SAMD4A: variants seen among roughly 807,000 people sequenced by gnomAD.
The protein encoded by SAMD4A is protein Smaug homolog 1.
Under a neutral mutation model 81.3 loss-of-function variants are expected in SAMD4A, and 33 were observed. The ratio of observed to expected loss-of-function variants is 0.41; its 90% CI spans 0.31 to 0.54. The LOEUF is 0.54. Ranked by LOEUF, SAMD4A falls within the 20% of genes least tolerant of loss-of-function variation. SAMD4A has a pLI of 0.37. For missense variants in SAMD4A, 854 were observed against 951.1 expected, an observed-to-expected ratio of 0.90 and a Z score of 1.34; for synonymous variants, 389 against 382.1, an observed-to-expected ratio of 1.02 and a Z score of -0.21.
At chr14:54,612,274 G>A (rs1039202020) in intron 2 of SAMD4A, among the ~76,000 whole-genome samples, 5 of 152,058 alleles carry the variant, frequency 3.3e-5, no homozygotes, top group African/African-American at 1.2e-4. Context: ...CTTTCCTTCA[G>A]TCTGTCCCTT....
intron 2 of SAMD4A, chr14:54,694,730 G>C (rs1289307954): frequency 1.0e-6 from 1 of 985,420 alleles, no homozygotes; most frequent in African/African-American, 1.7e-5. Context: ...TGGCCAGGAG[G>C]TCAGAAATCT....
chr14:54,756,545 A>G (rs1271459946), intron 6 of SAMD4A, among the ~76,000 whole-genome samples: 1 of 152,194 alleles, frequency 6.6e-6, no homozygotes, highest in Non-Finnish European at 1.5e-5. Context: ...ATTTGTTTTC[A>G]TATCCCCAGT....
In SAMD4A at chr14:54,567,974, T is replaced by G; in HGVS notation, c.58T>G (p.Cys20Gly). ...LAGWFKGWNE[C>G]EQTVALLSLL... ...GGGCTGGTTTAAGGGCTGGAACGAG[T>G]GCGAGCAGACTGTTGCGCTGCTGTC... Residue 20 changes from cysteine to glycine, a missense_variant, in exon 2 of 13, where the codon TGC becomes GGC. By Grantham distance (159) the Cys-to-Gly change is radical (BLOSUM62 -3). This residue lies in a region of SAMD4A where 387 missense variants were observed against 405.8 expected (regional missense o/e 0.95). Coordinates refer to ENST00000554335, the MANE Select transcript of SAMD4A (RefSeq NM_015589.6). The G allele has an allele frequency of 6.2e-7, 1 of 1,610,422 alleles. No individual in the cohort carries two copies.
chr14:54,687,278 T>G (rs1040763948), intron 2 of SAMD4A: 18 of 450,264 alleles, frequency 4.0e-5, no homozygotes, highest in Non-Finnish European at 6.7e-5. Flanking sequence ...TGGGCAGTTA[T>G]GAACCAAGTA....
At position 54,790,945 on chromosome 14, in the gene SAMD4A, C is replaced by T. The variant is rs955436013; in HGVS notation, c.*2001C>T. Reference sequence around the variant, plus strand: ...GTAACCATAGAAAGCCTTTCGTGAGCAGAGAAGGCTTGAATCCACAATTTC... The same window carrying T: ...GTAACCATAGAAAGCCTTTCGTGAGTAGAGAAGGCTTGAATCCACAATTTC... On this transcript the variant is annotated 3_prime_UTR_variant, in exon 13 of 13. Transcript: ENST00000554335. The T allele has an allele frequency of 1.3e-5, 2 of 151,662 alleles. No homozygotes were observed. The highest frequency in any genetic ancestry group is 2.9e-5 in the Non-Finnish European group (2 of 67,962). 9.4% of individuals were successfully genotyped at this position (151,662 alleles called of 1,614,324 possible).
At chr14:54,704,675 C>A (rs895091161) in intron 3 of SAMD4A, among the ~76,000 whole-genome samples, 1 of 152,172 alleles carries the variant, frequency 6.6e-6, no homozygotes, top group Non-Finnish European at 1.5e-5. Context: ...GCTGACATAC[C>A]TCTGGAAGAA....
At chr14:54,736,606 T>C (rs910604584) in intron 3 of SAMD4A, among the ~76,000 whole-genome samples, 2 of 152,228 alleles carry the variant, frequency 1.3e-5, no homozygotes, top group Non-Finnish European at 2.9e-5. Context: ...ACATGGGTAA[T>C]GTCAGAATTT....
chr14:54,772,826 CAAA>C (rs35278828), intron 9 of SAMD4A, among the ~76,000 whole-genome samples: 1 of 145,784 alleles, frequency 6.9e-6, no homozygotes, highest in African/African-American at 2.5e-5. Context: ...AACAAACAAA[CAAA>C]AAAAAAAAAC....
At chr14:54,628,764 A>G (rs1027266629) in intron 2 of SAMD4A, among the ~76,000 whole-genome samples, 1 of 152,218 alleles carries the variant, frequency 6.6e-6, no homozygotes, top group Admixed American at 6.5e-5. Flanking sequence ...AACTGCCTCA[A>G]AGTTATGTAG....
chr14:54,644,586 T>C (rs896059890), intron 2 of SAMD4A, among the ~76,000 whole-genome samples: 3 of 152,150 alleles, frequency 2.0e-5, no homozygotes, highest in African/African-American at 7.2e-5. Flanking sequence ...AGGTAGAAAG[T>C]CCCAAGTCCA....
rs924561124 is a variant in SAMD4A, at chr14:54,757,765, T to C, written c.1177-2396T>C. 3.9e-5 allele frequency among the ~76,000 whole-genome samples: 6 copies of C among 152,170 alleles called. No individual in the cohort carries two copies. The East Asian group carries it at 7.7e-4, about 20-fold the overall frequency. On this transcript the variant is annotated intron_variant, in intron 6 of 12. Coordinates refer to ENST00000554335, the MANE Select transcript of SAMD4A (RefSeq NM_015589.6). ...TCCCTTCCCCTCCTTAGTCAGGGGC[T>C]GGACAAGGAGGTCAGTGTCCCCCAC...
chr14:54,645,895 T>C (rs2035276964), intron 2 of SAMD4A, among the ~76,000 whole-genome samples: 1 of 152,250 alleles, frequency 6.6e-6, no homozygotes, highest in Non-Finnish European at 1.5e-5. Flanking sequence ...CAGTGGGAAT[T>C]TGTTACATAA....
intron 2 of SAMD4A, among the ~76,000 whole-genome samples, chr14:54,595,736 A>C (rs2033894893): frequency 6.6e-6 from 1 of 152,212 alleles, no homozygotes; most frequent in African/African-American, 2.4e-5. Context: ...TCATTCAAAA[A>C]TTGTGAAAAA....
intron 2 of SAMD4A, among the ~76,000 whole-genome samples, chr14:54,595,049 A>G (rs563966626): frequency 1.3e-5 from 2 of 152,364 alleles, no homozygotes; most frequent in Admixed American, 1.3e-4. Context: ...TGCCATGAAT[A>G]TTAAGAGTAC....
intron 2 of SAMD4A, among the ~76,000 whole-genome samples, chr14:54,580,349 T>G (rs1027063057): frequency 6.6e-6 from 1 of 152,240 alleles, no homozygotes; most frequent in African/African-American, 2.4e-5. Context: ...CACCCCTTTC[T>G]GTTTCTTTAC....
At chr14:54,698,463 C>G (rs2036629102) in intron 2 of SAMD4A, among the ~76,000 whole-genome samples, 1 of 152,230 alleles carries the variant, frequency 6.6e-6, no homozygotes. Flanking sequence ...GGGCAAGTAA[C>G]TTGGCCCATT....
rs535706311 is a variant in SAMD4A at position 54,607,498 on chromosome 14, C to G, written c.196+39386C>G. 1.7e-4 allele frequency among the ~76,000 whole-genome samples: 26 copies of G among 151,324 alleles called. 1 individual carries two copies. In the South Asian group the frequency reaches 5.2e-3, roughly 30 times the overall value. On this transcript the variant is annotated intron_variant, in intron 2 of 12. Coordinates refer to ENST00000554335, the MANE Select transcript of SAMD4A (RefSeq NM_015589.6). ...TTAGACGGAGTCTTGCTCTGTCGCCCAGGCTGGAGTGCAGTGGCACGATCT... is the reference window on the plus strand; with the variant it reads ...TTAGACGGAGTCTTGCTCTGTCGCCGAGGCTGGAGTGCAGTGGCACGATCT...
chr14:54,663,080 CTG>C (rs895131455), intron 2 of SAMD4A, among the ~76,000 whole-genome samples: 2 of 152,210 alleles, frequency 1.3e-5, no homozygotes, highest in East Asian at 1.9e-4. Context: ...AGAGAAGTGA[CTG>C]AAACTGATTA....
intron 2 of SAMD4A, among the ~76,000 whole-genome samples, chr14:54,578,517 C>T (rs376993658): frequency 8.6e-5 from 13 of 151,974 alleles, no homozygotes; most frequent in Middle Eastern, 3.4e-3. Context: ...TCAAGACCAG[C>T]TTGGCCAACG....
Sources: allele counts gnomAD v4.1 joint callset (sites outside exome capture counted in the v4.1 genomes callset), GRCh38; gene constraint gnomAD v4.1.1; regional missense constraint gnomAD v4.1.1; transcripts MANE v1.5; gene names NCBI Gene and HGNC (gene_info 2026-07-23, HGNC 2026-07-21).